The following CEP170 variants were observed in gnomAD, a reference collection of about 807,000 sequenced individuals.
CEP170 encodes centrosomal protein of 170 kDa.
Under a neutral mutation model 151.9 loss-of-function variants are expected in CEP170, and 21 were observed. The ratio of observed to expected loss-of-function variants is 0.14; its 90% CI spans 0.10 to 0.20. The LOEUF (loss-of-function observed/expected upper bound fraction) is 0.20, where lower values mean the gene tolerates loss of function less well. Ranked by LOEUF, CEP170 falls within the 10% of genes least tolerant of loss-of-function variation. The pLI is 1.00. For synonymous variants in CEP170, 356 were observed against 648.8 expected (o/e 0.55, Z 6.86); for missense variants, 964 against 1,892.9 (o/e 0.51, Z 9.11).
At chr1:243,202,037 T>C (rs1452026047) in intron 4 of CEP170, among the ~76,000 whole-genome samples, 3 of 152,148 alleles carry the variant, frequency 2.0e-5, no homozygotes, top group African/African-American at 7.2e-5. Context: ...TGCAAACATA[T>C]GGAATCAATC....
chr1:243,158,165 G>C (rs1041545870), intron 13 of CEP170, among the ~76,000 whole-genome samples: 4 of 152,150 alleles, frequency 2.6e-5, no homozygotes, highest in African/African-American at 7.2e-5. Flanking sequence ...CAAGAGTAAA[G>C]AGGTTTAGAA....
At chr1:243,143,263 A>T (rs531968987) in intron 14 of CEP170, among the ~76,000 whole-genome samples, 3 of 152,068 alleles carry the variant, frequency 2.0e-5, no homozygotes, top group African/African-American at 7.2e-5. Context: ...AGTACATGTT[A>T]TGTCACTTGA....
At chr1:243,213,060 T>C (rs2061958384) in intron 3 of CEP170, among the ~76,000 whole-genome samples, 1 of 152,172 alleles carries the variant, frequency 6.6e-6, no homozygotes, top group African/African-American at 2.4e-5. Context: ...TCCAAAATAG[T>C]ACCGTTTCAG....
Position 243,176,778 on chromosome 1 carries a change from C to T in CEP170, c.1567-3932G>A, listed in dbSNP as rs536221236. The T allele has an allele frequency of 1.0e-3, 393 of 387,142 alleles. 5 individuals are homozygous for T. Among genetic ancestry groups the T allele is most frequent in the South Asian group, 7.2e-3 (373 of 51,566 alleles). The allele number at this position is 387,142 out of a possible 1,614,324, so 24.0% of individuals were successfully genotyped here. A position where few individuals can be genotyped will look rare whatever the true frequency, so the allele number is the denominator to read the frequency against. On this transcript the variant is annotated intron_variant, in intron 10 of 19. Coordinates refer to ENST00000366542, the MANE Select transcript of CEP170 (RefSeq NM_014812.3). ...ACAGTCTTTGCTTTTGAGGAGGTTA[C>T]GTCTGATAAAGGAGCTTATAAAAAG... is the stretch of plus-strand genomic sequence containing the variant.
At chr1:243,245,028 T>A (rs1017858287) in intron 1 of CEP170, among the ~76,000 whole-genome samples, 2 of 152,022 alleles carry the variant, frequency 1.3e-5, no homozygotes, top group Admixed American at 6.6e-5. Flanking sequence ...TGGGAAAAAA[T>A]TTTACAGTAT....
chr1:243,225,208 C>A lies in CEP170; in HGVS notation c.73G>T (p.Val25Phe). 1 of 1,602,138 alleles carries A rather than the reference C, an allele frequency of 6.2e-7. No homozygotes were observed. The highest frequency in any genetic ancestry group is 1.1e-5 in the South Asian group (1 of 88,790). Reference sequence around the variant, plus strand: ...ATGAGCTCACAGTCATCTCTTCCAACAAAAATCATTTCTCGTGGCAGCCTG... The same window carrying A: ...ATGAGCTCACAGTCATCTCTTCCAAAAAAAATCATTTCTCGTGGCAGCCTG... Reference protein sequence around the residue: ...RHRLPREMIFVGRDDCELMLQ... With the variant: ...RHRLPREMIFFGRDDCELMLQ... Residue 25 changes from valine (V) to phenylalanine (F), a missense_variant, in exon 2 of 20, where the codon GTT becomes TTT. Transcript: ENST00000366542.
intron 17 of CEP170, among the ~76,000 whole-genome samples, chr1:243,130,231 C>T (rs999610913): frequency 1.3e-5 from 2 of 152,022 alleles, no homozygotes; most frequent in African/African-American, 4.8e-5. Flanking sequence ...CTGTTAAGAC[C>T]TCTTTATATG....
At position 243,164,650 on chromosome 1, in the gene CEP170, G is replaced by GC; in HGVS notation, c.3309dup (p.Arg1104AlafsTer7). 1.2e-6 allele frequency: 2 copies of GC among 1,613,808 alleles called. No individual in the cohort carries two copies. Among genetic ancestry groups the GC allele is most frequent in the Non-Finnish European group, 1.7e-6 (2 of 1,179,732 alleles). ...GAAGCTTCACCAAGTCGTGCTCTGCGCAAGAGGGAAGTCCTGGTAGGTCGT... is the reference window on the plus strand; with the variant it reads ...GAAGCTTCACCAAGTCGTGCTCTGCGCCAAGAGGGAAGTCCTGGTAGGTCGT... On this transcript the variant is annotated frameshift_variant, in exon 13 of 20. Coordinates refer to ENST00000366542, the MANE Select transcript of CEP170 (RefSeq NM_014812.3). LOFTEE classifies it high-confidence loss of function.
At chr1:243,223,185 A>G (rs1558636953) in intron 2 of CEP170, among the ~76,000 whole-genome samples, 1 of 152,204 alleles carries the variant, frequency 6.6e-6, no homozygotes, top group Non-Finnish European at 1.5e-5. Context: ...TTTCAAGTAC[A>G]TGTAGGCTCT....
In CEP170 at chr1:243,186,366, G is replaced by A. The variant is rs536949380; in HGVS notation, c.1165C>T (p.Arg389Cys). Residue 389 changes from arginine to cysteine, a missense_variant, in exon 9 of 20, where the codon CGC becomes TGC. Coordinates refer to ENST00000366542, the MANE Select transcript of CEP170 (RefSeq NM_014812.3). ...TCAAGAGTTGCACGTTTGCTACAGC[G>A]CCTGTGAGCCCCAGCGTTCTCTGAA... ...SDSENAGAHR[R>C]CSKRATLEEH... is the part of the protein sequence containing the mutation. The A allele has an allele frequency of 3.3e-5, 53 of 1,613,418 alleles. No homozygotes were observed. Among genetic ancestry groups the A allele is most frequent in the Non-Finnish European group, 4.3e-5 (51 of 1,179,614 alleles).
Position 243,168,155 on chromosome 1 carries a change from C to T in CEP170, c.1843+1473G>A, listed in dbSNP as rs548954938. 4.6e-5 allele frequency: 7 copies of T among 152,030 alleles called. No individual in the cohort carries two copies. The South Asian group carries it at 6.2e-4, about 14-fold the overall frequency. The allele number at this position is 152,030 out of a possible 1,614,324, so 9.4% of individuals were successfully genotyped here. ...TTTATACGAACCAAATGACTCTGTT[C>T]CCTCAAAAGAATTTTTGGTCATACT... On this transcript the variant is annotated intron_variant, in intron 12 of 19. Transcript: ENST00000366542.
At position 243,164,871 on chromosome 1, in the gene CEP170, C is replaced by G; in HGVS notation, c.3089G>C (p.Ser1030Thr). The G allele has an allele frequency of 6.2e-7, 1 of 1,613,776 alleles. No individual in the cohort carries two copies. ...VDLTDDDQTS[S>T]VPHSAISDIM... ...ATCAGAGATGGCAGAATGAGGTACA[C>G]TAGAGGTTTGGTCATCATCTGTTAA... Residue 1030 changes from serine to threonine, a missense_variant, in exon 13 of 20, where the codon AGT (serine) becomes ACT (threonine). Physicochemically the swap from Ser to Thr is moderately conservative, Grantham distance 58. Coordinates refer to ENST00000366542, the MANE Select transcript of CEP170 (RefSeq NM_014812.3).
At chr1:243,127,052 G>T (rs1407533328) in intron 19 of CEP170, among the ~76,000 whole-genome samples, 1 of 152,114 alleles carries the variant, frequency 6.6e-6, no homozygotes, top group Admixed American at 6.5e-5. Flanking sequence ...TGAGAGGACC[G>T]AGAAAATACT....
chr1:243,153,477 GTCT>G (rs1298733150), intron 14 of CEP170, among the ~76,000 whole-genome samples: 3 of 152,146 alleles, frequency 2.0e-5, no homozygotes, highest in African/African-American at 7.2e-5. Context: ...CTTCACTGTT[GTCT>G]TCTTTTAATT....
intron 11 of CEP170, among the ~76,000 whole-genome samples, chr1:243,171,599 T>G (rs2058849579): frequency 6.6e-6 from 1 of 152,160 alleles, no homozygotes. Context: ...TAGCTCTTAT[T>G]ATCTGAATAA....
intron 14 of CEP170, among the ~76,000 whole-genome samples, chr1:243,145,872 A>C (rs1447721562): frequency 6.6e-6 from 1 of 152,196 alleles, no homozygotes. Flanking sequence ...TAAAATGTAA[A>C]ATGAGTTTAA....
At chr1:243,170,825 C>A (rs1454804112) in intron 11 of CEP170, among the ~76,000 whole-genome samples, 2 of 152,172 alleles carry the variant, frequency 1.3e-5, no homozygotes, top group African/African-American at 4.8e-5. Flanking sequence ...TAGAGAATGA[C>A]ACACATACAG....
intron 1 of CEP170, among the ~76,000 whole-genome samples, chr1:243,244,260 T>C (rs2065140147): frequency 1.3e-5 from 2 of 152,100 alleles, no homozygotes; most frequent in South Asian, 4.1e-4. Context: ...GTAGTCATTG[T>C]GAAATTCAAC....
chr1:243,128,365 T>G, intron 18 of CEP170, 65 bp from the exon 19 acceptor site: 1 of 1,372,600 alleles, frequency 7.3e-7, no homozygotes, highest in Non-Finnish European at 9.9e-7. Context: ...TTACAAGCAA[T>G]GAATTTCACT....
Sources: gnomAD v4.1 joint callset for allele counts (sites outside exome capture counted in the v4.1 genomes callset) on GRCh38, gnomAD v4.1.1 for gene constraint, MANE v1.5 for transcripts, NCBI Gene and HGNC (gene_info 2026-07-23, HGNC 2026-07-21) for gene names.